The following PRELID2 variants were observed in gnomAD, a reference collection of about 807,000 sequenced individuals.
PRELID2 encodes PRELI domain containing 2.
PRELID2 carries 25 observed loss-of-function variants against 28.4 expected under a neutral mutation model. The observed-to-expected ratio is 0.88, with a 90% confidence interval of 0.64 to 1.23. The LOEUF (loss-of-function observed/expected upper bound fraction) is 1.23. Ranked by LOEUF, PRELID2 falls within the 50% of genes most tolerant of loss-of-function variation. The pLI is 0.00. For missense variants in PRELID2, 201 were observed against 214.4 expected, an observed-to-expected ratio of 0.94 and a Z score of 0.39; for synonymous variants, 76 against 71.6, an observed-to-expected ratio of 1.06 and a Z score of -0.31.
chr5:145,262,741 A>T, the PRELID2 span, among the ~76,000 whole-genome samples: 1 of 152,160 alleles, frequency 6.6e-6, no homozygotes, highest in South Asian at 2.1e-4. Flanking sequence ...CTCTTAAAGG[A>T]TAAATCTCAC....
downstream of PRELID2, among the ~76,000 whole-genome samples, chr5:145,468,444 G>T (rs903681974): frequency 2.6e-5 from 4 of 152,144 alleles, no homozygotes. Context: ...TAATTGGATG[G>T]CTGGGTCAAA....
chr5:145,520,668 T>C (rs1752556318), intron 1 of PRELID2, among the ~76,000 whole-genome samples: 2 of 152,186 alleles, frequency 1.3e-5, no homozygotes, highest in Non-Finnish European at 2.9e-5. Flanking sequence ...CTGGGTTTCC[T>C]ATAAATACCC....
intron 1 of PRELID2, among the ~76,000 whole-genome samples, chr5:145,558,755 G>A (rs1472275672): frequency 1.3e-5 from 2 of 152,120 alleles, no homozygotes; most frequent in East Asian, 1.9e-4. Flanking sequence ...TGACATTGCA[G>A]CTCTTGACTT....
At chr5:145,465,315 C>T in the PRELID2 span, among the ~76,000 whole-genome samples, 5 of 152,056 alleles carry the variant, frequency 3.3e-5, no homozygotes, top group African/African-American at 1.2e-4. Context: ...TATGTGTGTG[C>T]TCATTAGAGA....
chr5:145,418,729 CA>C, the PRELID2 span, among the ~76,000 whole-genome samples: 2 of 123,602 alleles, frequency 1.6e-5, no homozygotes, highest in African/African-American at 5.7e-5. Context: ...ATACCATATA[CA>C]AATTTTTTTT....
At chr5:145,807,177 G>C (rs1025037188) in intron 4 of PRELID2, among the ~76,000 whole-genome samples, 7 of 152,066 alleles carry the variant, frequency 4.6e-5, no homozygotes, top group Admixed American at 3.9e-4. Context: ...GACTTTTTCA[G>C]CTCCAATACA....
chr5:145,718,571 G>A (rs984301069), intron 1 of PRELID2, among the ~76,000 whole-genome samples: 1 of 151,724 alleles, frequency 6.6e-6, no homozygotes, highest in Non-Finnish European at 1.5e-5. Flanking sequence ...AATTTACAGG[G>A]AAGAATAAAG....
chr5:145,438,964 A>T, the PRELID2 span, among the ~76,000 whole-genome samples: 4 of 152,206 alleles, frequency 2.6e-5, no homozygotes, highest in Admixed American at 1.3e-4. Context: ...TTTTTCTCTG[A>T]TGCAGCGATG....
intron 1 of PRELID2, among the ~76,000 whole-genome samples, chr5:145,503,602 G>A (rs1021130994): frequency 6.6e-6 from 1 of 152,136 alleles, no homozygotes; most frequent in Non-Finnish European, 1.5e-5. Flanking sequence ...TAAGAGGCTT[G>A]ACGAAGATAA....
the PRELID2 span, among the ~76,000 whole-genome samples, chr5:145,397,923 C>T: frequency 6.6e-6 from 1 of 152,132 alleles, no homozygotes; most frequent in South Asian, 2.1e-4. Context: ...TACATCATGC[C>T]TGATCCCTTC....
intron 1 of PRELID2, among the ~76,000 whole-genome samples, chr5:145,486,054 T>C (rs6580376): frequency 0.6 from 91,927 of 152,034 alleles, 28,563 homozygotes; most frequent in East Asian, 1. Context: ...GACCTATGTT[T>C]TTCTGTGAGT....
intron 1 of PRELID2, among the ~76,000 whole-genome samples, chr5:145,482,374 C>T (rs921148312): frequency 2.0e-5 from 3 of 152,180 alleles, no homozygotes; most frequent in Non-Finnish European, 4.4e-5. Flanking sequence ...AACAAACTGT[C>T]ATTTGAATCC....
At chr5:145,392,414 T>C in the PRELID2 span, among the ~76,000 whole-genome samples, 1 of 152,046 alleles carries the variant, frequency 6.6e-6, no homozygotes, top group East Asian at 1.9e-4. Context: ...ACCTCCATGA[T>C]TCAATTATCT....
the PRELID2 span, among the ~76,000 whole-genome samples, chr5:145,461,777 A>T: frequency 0.23 from 34,650 of 152,158 alleles, 4,238 homozygotes; most frequent in South Asian, 0.35. Context: ...TGGATTCAAA[A>T]TTGGTCAAAG....
At chr5:145,499,538 T>A (rs1264150819) in intron 1 of PRELID2, among the ~76,000 whole-genome samples, 2 of 151,892 alleles carry the variant, frequency 1.3e-5, no homozygotes, top group African/African-American at 4.8e-5. Context: ...CTGGATGGGG[T>A]GGGGTGGGGC....
At chr5:145,340,882 C>T in the PRELID2 span, among the ~76,000 whole-genome samples, 2 of 151,032 alleles carry the variant, frequency 1.3e-5, no homozygotes, top group East Asian at 3.9e-4. Context: ...AACACTGCCA[C>T]CACTAGGGCC....
At chr5:145,283,770 G>A in the PRELID2 span, among the ~76,000 whole-genome samples, 1 of 152,156 alleles carries the variant, frequency 6.6e-6, no homozygotes, top group East Asian at 1.9e-4. Context: ...ATCTCTTAAT[G>A]TTTGGCCAGC....
At chr5:145,481,650 A>AAAAAAAAAAAG (rs1752162758) in intron 1 of PRELID2, among the ~76,000 whole-genome samples, 1 of 117,850 alleles carries the variant, frequency 8.5e-6, no homozygotes. Flanking sequence ...AAAAAAAAAA[A>AAAAAAAAAAAG]AAAGAAAGAA....
At chr5:145,363,265 G>C in the PRELID2 span, among the ~76,000 whole-genome samples, 1 of 151,960 alleles carries the variant, frequency 6.6e-6, no homozygotes, top group Non-Finnish European at 1.5e-5. Context: ...ATATCAAAAT[G>C]TTAAATACTA....
Sources: gnomAD v4.1 joint callset for allele counts (sites outside exome capture counted in the v4.1 genomes callset) on GRCh38, gnomAD v4.1.1 for gene constraint, MANE v1.5 for transcripts, NCBI Gene and HGNC (gene_info 2026-07-23, HGNC 2026-07-21) for gene names.